Variants in PDE1C observed in about 807,000 individuals in gnomAD.
PDE1C encodes dual specificity calcium/calmodulin-dependent 3',5'-cyclic nucleotide phosphodiesterase 1C.
A neutral mutation model predicts 93.1 loss-of-function variants in PDE1C; 62 were observed. That is an observed-to-expected ratio of 0.67 (90% CI 0.54 to 0.82). The LOEUF (loss-of-function observed/expected upper bound fraction) is 0.82. Ranked by LOEUF, PDE1C falls within the 40% of genes least tolerant of loss-of-function variation. The probability of loss-of-function intolerance (pLI) is 0.00; values close to 1 mark genes in which losing one functional copy is unlikely to be tolerated. For missense variants in PDE1C, 742 were observed against 884.6 expected, an observed-to-expected ratio of 0.84 and a Z score of 2.04; for synonymous variants, 325 against 310.1, an observed-to-expected ratio of 1.05 and a Z score of -0.50.
At chr7:32,193,952 T>A (rs1227771875) in intron 2 of PDE1C, among the ~76,000 whole-genome samples, 1 of 147,482 alleles carries the variant, frequency 6.8e-6, no homozygotes, top group Non-Finnish European at 1.5e-5. Context: ...TCTCACTCTG[T>A]CGCCCAGGCT....
In PDE1C at chr7:31,769,745, A is replaced by G. The variant is rs62448793; in HGVS notation, c.1960+5919T>C. Reference sequence around the variant, plus strand: ...CACCCCTAAAAACAACCTCATATCCATGAGAAGTCACTCTCCACTCTCTTT... The same window carrying G: ...CACCCCTAAAAACAACCTCATATCCGTGAGAAGTCACTCTCCACTCTCTTT... On this transcript the variant is annotated intron_variant, in intron 17 of 17. Transcript: ENST00000396191. Among the ~76,000 whole-genome samples the G allele has an allele frequency of 0.018, 2,678 of 152,290 alleles. 127 individuals carry two copies. In the East Asian group the frequency reaches 0.19, roughly 11 times the overall value.
At chr7:32,050,408 A>T (rs1445312802) in intron 2 of PDE1C, among the ~76,000 whole-genome samples, 1 of 152,172 alleles carries the variant, frequency 6.6e-6, no homozygotes, top group African/African-American at 2.4e-5. Context: ...GGAGAAATAA[A>T]AGAGGTCATG....
At chr7:32,255,833 G>A (rs1358129003) in intron 1 of PDE1C, among the ~76,000 whole-genome samples, 1 of 152,234 alleles carries the variant, frequency 6.6e-6, no homozygotes, top group East Asian at 1.9e-4. Context: ...AGGAGTGGCA[G>A]AGGCTGGTGC....
chr7:32,270,368 G>C (rs1333167575), intron 1 of PDE1C, among the ~76,000 whole-genome samples: 1 of 151,294 alleles, frequency 6.6e-6, no homozygotes, highest in Non-Finnish European at 1.5e-5. Flanking sequence ...AGGTTATAAG[G>C]CCCAAGAAAA....
chr7:31,778,084 A>G (rs766369063), intron 16 of PDE1C, among the ~76,000 whole-genome samples: 1 of 152,194 alleles, frequency 6.6e-6, no homozygotes, highest in East Asian at 1.9e-4. Context: ...GGTGATTCCA[A>G]CGATGATCTT....
the PDE1C span, among the ~76,000 whole-genome samples, chr7:31,736,358 A>T: frequency 6.6e-6 from 1 of 152,176 alleles, no homozygotes; most frequent in African/African-American, 2.4e-5. Context: ...ATAGACAAGG[A>T]CACATTCTTC....
In PDE1C at chr7:32,090,873, C is replaced by T. The variant is rs7789814; in HGVS notation, c.308+78912G>A. ...GCAAGCCAGCACATATGTGTGCATGCGATGTGTGTGTTAACCTAGTTTGCT... is the reference window on the plus strand; with the variant it reads ...GCAAGCCAGCACATATGTGTGCATGTGATGTGTGTGTTAACCTAGTTTGCT... On this transcript the variant is annotated intron_variant, in intron 3 of 18. Transcript: ENST00000396193. Among the ~76,000 whole-genome samples the T allele has an allele frequency of 8.2e-3, 1,249 of 152,242 alleles. 23 individuals are homozygous for T. The highest frequency in any genetic ancestry group is 0.027 in the African/African-American group (1,120 of 41,550).
intron 3 of PDE1C, among the ~76,000 whole-genome samples, chr7:32,087,444 G>A (rs993805779): frequency 1.1e-4 from 16 of 152,124 alleles, no homozygotes; most frequent in Admixed American, 2.0e-4. Context: ...TCAGTGTGGC[G>A]ATTCCTCAGG....
At chr7:32,106,157 CT>C (rs1409781496) in intron 3 of PDE1C, among the ~76,000 whole-genome samples, 4 of 152,102 alleles carry the variant, frequency 2.6e-5, no homozygotes, top group Non-Finnish European at 5.9e-5. Context: ...GACTTGCAAG[CT>C]CGTGCCACCA....
At chr7:31,714,278 A>T in the PDE1C span, among the ~76,000 whole-genome samples, 1 of 152,214 alleles carries the variant, frequency 6.6e-6, no homozygotes, top group African/African-American at 2.4e-5. Context: ...TTGCTAAAAC[A>T]TAACAAGAGT....
chr7:31,975,693 G>C (rs1345049098), intron 2 of PDE1C, among the ~76,000 whole-genome samples: 1 of 152,156 alleles, frequency 6.6e-6, no homozygotes, highest in East Asian at 1.9e-4. Context: ...CCAACAGTGA[G>C]CACATAATTT....
intron 2 of PDE1C, among the ~76,000 whole-genome samples, chr7:32,045,674 G>A (rs62457517): frequency 1.3e-5 from 2 of 152,152 alleles, no homozygotes; most frequent in South Asian, 4.1e-4. Context: ...AAAGGTAGGG[G>A]ACAACAGTCT....
chr7:31,941,850 T>C (rs1239744561), intron 2 of PDE1C, among the ~76,000 whole-genome samples: 1 of 152,192 alleles, frequency 6.6e-6, no homozygotes, highest in East Asian at 1.9e-4. Flanking sequence ...GTTCCTATGC[T>C]GGTCAAACAA....
chr7:31,738,939 G>A, the PDE1C span, among the ~76,000 whole-genome samples: 2 of 152,152 alleles, frequency 1.3e-5, no homozygotes, highest in African/African-American at 4.8e-5. Flanking sequence ...AAATGCTCAG[G>A]ACGGGTTTGT....
At chr7:31,927,061 G>A (rs1439703192) in intron 2 of PDE1C, among the ~76,000 whole-genome samples, 1 of 152,184 alleles carries the variant, frequency 6.6e-6, no homozygotes, top group Non-Finnish European at 1.5e-5. Context: ...AGAACCAGTG[G>A]CTTGAAATTC....
At chr7:31,815,052 G>A (rs1032159499) in intron 15 of PDE1C, among the ~76,000 whole-genome samples, 2 of 151,790 alleles carry the variant, frequency 1.3e-5, no homozygotes, top group Non-Finnish European at 2.9e-5. Context: ...AGTATCTTTA[G>A]CCCATCTGAC....
the PDE1C span, chr7:31,707,716 T>C: frequency 6.1e-6 from 1 of 164,354 alleles, no homozygotes; most frequent in East Asian, 1.8e-4. Context: ...GTTAGAGAGG[T>C]GAGAATGTTT....
At chr7:32,255,079 A>G (rs907271803) in intron 1 of PDE1C, among the ~76,000 whole-genome samples, 1 of 152,134 alleles carries the variant, frequency 6.6e-6, no homozygotes, top group Non-Finnish European at 1.5e-5. Flanking sequence ...TCAGAAACCC[A>G]AGTCTCTGTT....
chr7:32,105,142 G>A (rs1363663315), intron 3 of PDE1C, among the ~76,000 whole-genome samples: 3 of 152,114 alleles, frequency 2.0e-5, no homozygotes, highest in Admixed American at 2.0e-4. Context: ...GAGACAAAAG[G>A]CACATTTCTA....
Sources: allele counts gnomAD v4.1 joint callset (sites outside exome capture counted in the v4.1 genomes callset), GRCh38; gene constraint gnomAD v4.1.1; transcripts MANE v1.5; gene names NCBI Gene and HGNC (gene_info 2026-07-23, HGNC 2026-07-21).